Variants in ADAM18 observed in about 807,000 individuals in gnomAD.
The protein encoded by ADAM18 is ADAM metallopeptidase domain 18.
In ADAM18, 117 loss-of-function variants were observed where a neutral mutation model predicts 94.4. The ratio of observed to expected loss-of-function variants is 1.24; its 90% confidence interval spans 1.07 to 1.45. The LOEUF is 1.45. Among genes scored for constraint, ADAM18 ranks in the 40% most tolerant of loss-of-function variants. ADAM18 has a pLI of 0.00. For synonymous variants in ADAM18, 327 were observed against 291.6 expected (o/e 1.12, Z -1.24); for missense variants, 936 against 880.0 (o/e 1.06, Z -0.81).
At chr8:39,717,393 T>C (rs1419827737) in intron 18 of ADAM18, among the ~76,000 whole-genome samples, 1 of 151,896 alleles carries the variant, frequency 6.6e-6, no homozygotes, top group Non-Finnish European at 1.5e-5. Context: ...GTATTCTATT[T>C]TTGTCTCTAT....
Position 39,700,945 on chromosome 8 carries a change from C to T in ADAM18, c.1903-5845C>T, listed in dbSNP as rs562647456. On this transcript the variant is annotated intron_variant, in intron 17 of 19. Transcript: ENST00000265707. ...CTGGCTAAAAAAAACGGTGAAACCC[C>T]GTCTCTACTAAAAATACAAAAAATT... Among the ~76,000 whole-genome samples the T allele has an allele frequency of 7.0e-4, 105 of 150,554 alleles. 2 individuals are homozygous for T. The South Asian group carries it at 0.011, about 16-fold the overall frequency.
intron 17 of ADAM18, among the ~76,000 whole-genome samples, chr8:39,704,404 A>G (rs762495076): frequency 6.6e-6 from 1 of 152,214 alleles, no homozygotes; most frequent in Non-Finnish European, 1.5e-5. Flanking sequence ...TTGGTTCAAC[A>G]TATGGAAATC....
chr8:39,722,220 T>TAC (rs1240654459), intron 18 of ADAM18, among the ~76,000 whole-genome samples: 176 of 3,950 alleles, frequency 0.045, 1 homozygote, highest in African/African-American at 0.086. Flanking sequence ...TGTGTGTGTA[T>TAC]ATATATATAT....
intron 5 of ADAM18, among the ~76,000 whole-genome samples, 182 bp downstream of exon 5, chr8:39,609,743 A>C (rs1455384471): frequency 1.3e-5 from 2 of 152,226 alleles, no homozygotes; most frequent in African/African-American, 4.8e-5. Flanking sequence ...GCCTATTCCC[A>C]TGAAATCAAT....
chr8:39,724,272 G>C (rs979980553), intron 19 of ADAM18, among the ~76,000 whole-genome samples: 2 of 151,588 alleles, frequency 1.3e-5, no homozygotes, highest in African/African-American at 4.8e-5. Flanking sequence ...CAGATTTTCT[G>C]TTCTTTATTA....
intron 2 of ADAM18, among the ~76,000 whole-genome samples, chr8:39,601,295 A>G (rs1818895988): frequency 6.6e-6 from 1 of 152,210 alleles, no homozygotes; most frequent in Non-Finnish European, 1.5e-5. Flanking sequence ...TTCCAGCCCA[A>G]TGTGGCAGGG....
chr8:39,609,275 G>T (rs73605937), intron 4 of ADAM18, among the ~76,000 whole-genome samples, 155 bp downstream of exon 4: 5,368 of 152,206 alleles, frequency 0.035, 241 homozygotes, highest in African/African-American at 0.11. Context: ...ATGAAACCCA[G>T]CTGCAAGCGA....
At chr8:39,611,323 A>G (rs1819265048) in intron 6 of ADAM18, 7 of 609,642 alleles carry the variant, frequency 1.1e-5, no homozygotes, top group Non-Finnish European at 1.4e-5. Flanking sequence ...TCATGTTTCT[A>G]TGAATGGATC....
chr8:39,649,411 A>G (rs973406513), intron 12 of ADAM18, among the ~76,000 whole-genome samples: 2 of 152,020 alleles, frequency 1.3e-5, no homozygotes, highest in Non-Finnish European at 1.5e-5. Flanking sequence ...CAATTATCTC[A>G]TATTTTCCCA....
intron 18 of ADAM18, among the ~76,000 whole-genome samples, chr8:39,717,076 CT>C (rs1185301627): frequency 3.3e-5 from 5 of 151,592 alleles, no homozygotes; most frequent in African/African-American, 1.2e-4. Context: ...TATTTATTTG[CT>C]TTGATTACTC....
chr8:39,585,270 C>G lies in ADAM18; in HGVS notation c.56-6C>G, dbSNP rs1344336880. 6 of 1,608,888 alleles carry G rather than the reference C, an allele frequency of 3.7e-6. No individual in the cohort carries two copies. The East Asian group carries it at 1.1e-4, about 30-fold the overall frequency. On this transcript the variant is annotated splice_region_variant and splice_polypyrimidine_tract_variant and intron_variant, in intron 1 of 19. Coordinates refer to ENST00000265707, the MANE Select transcript of ADAM18 (RefSeq NM_014237.3). ...AGACAAAAACAAACACATTTTCTTA[C>G]TGCAGGTTCTGAAGGAATATTTCTG...
chr8:39,728,585 A>G (rs1262533919), intron 19 of ADAM18, among the ~76,000 whole-genome samples: 1 of 152,228 alleles, frequency 6.6e-6, no homozygotes, highest in Non-Finnish European at 1.5e-5. Context: ...GACTATTTAA[A>G]TAAATATGAC....
intron 6 of ADAM18, among the ~76,000 whole-genome samples, chr8:39,625,591 A>G (rs190114874): frequency 1.3e-3 from 204 of 152,034 alleles, no homozygotes; most frequent in African/African-American, 4.7e-3. Flanking sequence ...GAAGTAGTGA[A>G]AGTATCCTTC....
chr8:39,701,216 AATTTTTT>A (rs1822068582), intron 17 of ADAM18, among the ~76,000 whole-genome samples: 1 of 145,280 alleles, frequency 6.9e-6, no homozygotes, highest in South Asian at 2.3e-4. Context: ...TCCATCTTTT[AATTTTTT>A]TCTAAAAATA....
chr8:39,588,105 C>G (rs547125344), intron 2 of ADAM18, among the ~76,000 whole-genome samples: 92 of 152,218 alleles, frequency 6.0e-4, no homozygotes, highest in African/African-American at 1.9e-3. Flanking sequence ...TTTTGTGGAA[C>G]CTCCATACTG....
At chr8:39,663,923 A>C in intron 13 of ADAM18, 33 bp downstream of exon 13, 1 of 1,430,398 alleles carries the variant, frequency 7.0e-7, no homozygotes, top group South Asian at 1.2e-5. Flanking sequence ...AAGCAAATTG[A>C]ACTGTGGTAA....
intron 4 of ADAM18, 56 bp downstream of exon 4, chr8:39,609,176 A>T: frequency 8.8e-7 from 1 of 1,133,876 alleles, no homozygotes. Flanking sequence ...TACCATTAGA[A>T]TGTGTTTCAT....
At chr8:39,706,955 A>G (rs768124387) in intron 18 of ADAM18, 51 bp downstream of exon 18, 1 of 1,075,056 alleles carries the variant, frequency 9.3e-7, no homozygotes, top group African/African-American at 1.6e-5. Flanking sequence ...TTTTATATAA[A>G]GTTAATTAAA....
chr8:39,608,819 T>C (rs1375611938), intron 3 of ADAM18, among the ~76,000 whole-genome samples: 1 of 152,144 alleles, frequency 6.6e-6, no homozygotes, highest in African/African-American at 2.4e-5. Context: ...TACATATGTC[T>C]GATGCAGAGG....
Sources: gnomAD v4.1 joint callset for allele counts (sites outside exome capture counted in the v4.1 genomes callset) on GRCh38, gnomAD v4.1.1 for gene constraint, MANE v1.5 for transcripts, NCBI Gene and HGNC (gene_info 2026-07-23, HGNC 2026-07-21) for gene names.